The following APC2 variants were observed in gnomAD, a reference collection of about 807,000 sequenced individuals.
APC2 encodes the protein APC regulator of Wnt signaling pathway 2.
A neutral mutation model predicts 72.5 loss-of-function variants in APC2; 41 were observed. The observed-to-expected ratio is 0.57, with a 90% CI of 0.44 to 0.73. The LOEUF (loss-of-function observed/expected upper bound fraction) is 0.73, where lower values mean the gene tolerates loss of function less well. APC2 is among the 30% of genes least tolerant of loss of function. APC2 has a pLI of 0.00. For synonymous variants in APC2, 1,898 were observed against 1,612.0 expected (o/e 1.18, Z -4.25); for missense variants, 3,729 against 3,403.4 (o/e 1.10, Z -2.38).
At position 1,469,643 on chromosome 19, in the gene APC2, C is replaced by G; in HGVS notation, c.6342C>G (p.Ala2114=). 4.1e-6 allele frequency: 5 copies of G among 1,233,712 alleles called. No individual in the cohort carries two copies. Among genetic ancestry groups the G allele is most frequent in the African/African-American group, 1.6e-5 (1 of 62,934 alleles). 76.4% of individuals were successfully genotyped at this position (1,233,712 alleles called of 1,614,324 possible). A position where few individuals can be genotyped will look rare whatever the true frequency, so the allele number is the denominator to read the frequency against. The change falls in exon 15 of 15, where the codon GCC becomes GCG. Residue 2114 remains alanine (A), a synonymous_variant. Coordinates refer to ENST00000590469, the MANE Select transcript of APC2 (RefSeq NM_005883.3). The part of the protein sequence containing the change: ...HISVARRPDG[A]VPAAPASADA... The stretch of plus-strand genomic sequence containing the variant: ...GCGTGGCCCGCAGGCCCGACGGCGC[C>G]GTCCCCGCGGCCCCTGCCTCAGCCG...
chr19:1,468,526 A>G lies in APC2; in HGVS notation c.5225A>G (p.Glu1742Gly), dbSNP rs760091657. 5 of 1,602,482 alleles carry G rather than the reference A, an allele frequency of 3.1e-6. No individual in the cohort carries two copies. Among genetic ancestry groups the G allele is most frequent in the Non-Finnish European group, 3.4e-6 (4 of 1,173,774 alleles). The stretch of plus-strand genomic sequence containing the variant: ...AAGCACAGGAAGGGACGACAGGCGG[A>G]GGGAGAAATGGGCAGTGCCCGGCGG... ...PPKHRKGRQA[E>G]GEMGSARRPE... The change falls in exon 15 of 15, where the codon GAG (glutamate) becomes GGG (glycine). Residue 1742 changes from glutamate to glycine, a missense_variant. By Grantham distance (98) the Glu-to-Gly change is moderately conservative. Coordinates refer to ENST00000590469, the MANE Select transcript of APC2 (RefSeq NM_005883.3).
In APC2 at chr19:1,453,428, C is replaced by T; in HGVS notation, c.233-3C>T. On this transcript the variant is annotated splice_region_variant and splice_polypyrimidine_tract_variant and intron_variant, in intron 3 of 14. Coordinates refer to ENST00000590469, the MANE Select transcript of APC2 (RefSeq NM_005883.3). Reference sequence around the variant, plus strand: ...GACCTCCGCCCTGTCCCCGCCCATCCAGCCCTACAGATGGACATCACCAGC... The same window carrying T: ...GACCTCCGCCCTGTCCCCGCCCATCTAGCCCTACAGATGGACATCACCAGC... 1 of 1,602,142 alleles carries T rather than the reference C, an allele frequency of 6.2e-7. No individual in the cohort carries two copies. The highest frequency in any genetic ancestry group is 8.5e-7 in the Non-Finnish European group (1 of 1,172,224).
intron 6 of APC2, 118 bp from the exon 7 acceptor site, chr19:1,455,958 C>A (rs1253008851): frequency 3.8e-6 from 4 of 1,063,202 alleles, no homozygotes; most frequent in African/African-American, 1.6e-5. Flanking sequence ...GGGCCTGGGG[C>A]GGGGTTATCA....
In APC2 at chr19:1,468,263, C is replaced by A; in HGVS notation, c.4962C>A (p.Ala1654=). 1 of 1,527,400 alleles carries A rather than the reference C, an allele frequency of 6.5e-7. No individual in the cohort carries two copies. Among genetic ancestry groups the A allele is most frequent in the Non-Finnish European group, 8.8e-7 (1 of 1,139,680 alleles). The allele number at this position is 1,527,400 out of a possible 1,614,324, so 94.6% of individuals were successfully genotyped here. The stretch of plus-strand genomic sequence containing the variant: ...GCCTGCGGCGCCGCAAGCCCCGAGC[C>A]ACCCGGCTGGATGAGCGGCCCGCAG... ...VSGLRRRKPR[A]TRLDERPAEG... Residue 1654 remains alanine, a synonymous_variant, in exon 15 of 15, where the codon GCC becomes GCA. Transcript: ENST00000590469.
chr19:1,468,985 A>C lies in APC2; in HGVS notation c.5684A>C (p.Gln1895Pro). ...PLPRKRPPVT[Q>P]AAGALPGPGA... ...CCCAGAAAGCGCCCCCCGGTCACCC[A>C]GGCTGCTGGGGCCCTGCCCGGCCCC... Residue 1895 changes from glutamine to proline, a missense_variant, in exon 15 of 15, where the codon CAG becomes CCG. Coordinates refer to ENST00000590469, the MANE Select transcript of APC2 (RefSeq NM_005883.3). 1.3e-6 allele frequency: 2 copies of C among 1,559,806 alleles called. No individual in the cohort carries two copies. Among genetic ancestry groups the C allele is most frequent in the Non-Finnish European group, 1.7e-6 (2 of 1,158,094 alleles).
At position 1,465,925 on chromosome 19, in the gene APC2, G is replaced by A. The variant is rs2084003334; in HGVS notation, c.2624G>A (p.Ser875Asn). 1 of 1,586,722 alleles carries A rather than the reference G, an allele frequency of 6.3e-7. No individual in the cohort carries two copies. The highest frequency in any genetic ancestry group is 8.5e-7 in the Non-Finnish European group (1 of 1,171,044). The change falls in exon 15 of 15, where the codon AGC (serine) becomes AAC (asparagine). Residue 875 changes from serine to asparagine, a missense_variant. Transcript: ENST00000590469. ...HTSSDDSFSLSSGDPGQEAPR... is the reference protein window; with the variant it reads ...HTSSDDSFSLNSGDPGQEAPR... Reference sequence around the variant, plus strand: ...TCGTCCGACGATAGCTTCAGCCTCAGCTCTGGAGACCCGGGACAGGAGGCG... The same window carrying A: ...TCGTCCGACGATAGCTTCAGCCTCAACTCTGGAGACCCGGGACAGGAGGCG...
rs71174372 is a variant in APC2, at chr19:1,457,895, C to CGGGGGG, written c.1208-67_1208-66insGGGGGG. 5.8e-5 allele frequency: 72 copies of CGGGGGG among 1,251,574 alleles called. 1 individual carries two copies. In the African/African-American group the frequency reaches 8.8e-4, roughly 15 times the overall value. 77.5% of individuals were successfully genotyped at this position (1,251,574 alleles called of 1,614,324 possible). ...CTTCAGGCCTGGGGCGGGCGGGTTG[C>CGGGGGG]GGGACCTTCGGGAGTCACCTGGGAC... On this transcript the variant is annotated intron_variant, in intron 9 of 14. Coordinates refer to ENST00000590469, the MANE Select transcript of APC2 (RefSeq NM_005883.3).
Position 1,466,592 on chromosome 19 carries a change from G to A in APC2, c.3291G>A (p.Leu1097=), listed in dbSNP as rs1484549905. 6.4e-7 allele frequency: 1 copy of A among 1,557,032 alleles called. No individual in the cohort carries two copies. ...ACCTGGATGACAGTGACTCCTCCCTGGAGGGGCTGGAGGAGGCCGGCCCCA... is the reference window on the plus strand; with the variant it reads ...ACCTGGATGACAGTGACTCCTCCCTAGAGGGGCTGGAGGAGGCCGGCCCCA... ...GGDLDDSDSS[L]EGLEEAGPSE... Residue 1097 remains leucine, a synonymous_variant, in exon 15 of 15, where the codon CTG becomes CTA. Coordinates refer to ENST00000590469, the MANE Select transcript of APC2 (RefSeq NM_005883.3).
intron 14 of APC2, among the ~76,000 whole-genome samples, chr19:1,463,619 G>A (rs997251558): frequency 2.6e-5 from 4 of 151,286 alleles, no homozygotes; most frequent in East Asian, 3.9e-4. Context: ...TTGGCTTGGC[G>A]TCCACATGTA....
At position 1,453,261 on chromosome 19, in the gene APC2, C is replaced by T; in HGVS notation, c.156C>T (p.His52=). The change falls in exon 3 of 15, where the codon CAC becomes CAT. Residue 52 remains histidine (H), a synonymous_variant. Transcript: ENST00000590469. ...CGCCCCTGCAGGAGGTCCTGAAGCA[C>T]CTACAGGGAAAACTGGAGCAGGAGG... ...ETSGMKEVLK[H]LQGKLEQEAR... 1 of 1,566,586 alleles carries T rather than the reference C, an allele frequency of 6.4e-7. No individual in the cohort carries two copies. The highest frequency in any genetic ancestry group is 8.7e-7 in the Non-Finnish European group (1 of 1,155,534).
At chr19:1,453,712 C>A in intron 4 of APC2, 101 bp downstream of exon 4, 1 of 1,404,278 alleles carries the variant, frequency 7.1e-7, no homozygotes, top group Non-Finnish European at 9.6e-7. Context: ...TCTCTGCCCA[C>A]ACCTCACACG....
rs982615442 is a variant in APC2, at chr19:1,471,442, A to C, written c.*1229A>C. The C allele has an allele frequency of 1.3e-5, 2 of 152,132 alleles. No homozygotes were observed. Among genetic ancestry groups the C allele is most frequent in the African/African-American group, 4.8e-5 (2 of 41,408 alleles). The allele number at this position is 152,132 out of a possible 1,614,324, so 9.4% of individuals were successfully genotyped here. On this transcript the variant is annotated 3_prime_UTR_variant, in exon 15 of 15. Transcript: ENST00000590469. ...GAGTATTTGGTGCCAGATGAGGTGA[A>C]AGCTTATAGAAGGGCCTGAGGGGCT...
At chr19:1,458,214 C>T in intron 10 of APC2, 154 bp downstream of exon 10, 2 of 683,918 alleles carry the variant, frequency 2.9e-6, no homozygotes, top group Non-Finnish European at 5.0e-6. Flanking sequence ...CATAGCACCT[C>T]TCATGAGTGG....
chr19:1,467,806 C>A lies in APC2; in HGVS notation c.4505C>A (p.Thr1502Asn), dbSNP rs777856176. 17 of 1,472,592 alleles carry A rather than the reference C, an allele frequency of 1.2e-5. No individual in the cohort carries two copies. The highest frequency in any genetic ancestry group is 1.4e-5 in the Non-Finnish European group (16 of 1,116,922). 91.2% of individuals were successfully genotyped at this position (1,472,592 alleles called of 1,614,324 possible). The change falls in exon 15 of 15, where the codon ACT becomes AAT. Residue 1502 changes from threonine (T) to asparagine (N), a missense_variant. By Grantham distance (65) the Thr-to-Asn change is moderately conservative. Transcript: ENST00000590469. ...CAGTCGCTGTGCCTCACGACGCCCA[C>A]TGAGGAGGCCGTGTACTGCTTCTAC... ...ALQSLCLTTP[T>N]EEAVYCFYGN...
Position 1,460,946 on chromosome 19 carries a change from T to C in APC2, c.1521+89T>C, listed in dbSNP as rs112924406. 6,163 of 1,592,708 alleles carry C rather than the reference T, an allele frequency of 3.9e-3. 199 individuals carry two copies. The African/African-American group carries it at 0.073, about 19-fold the overall frequency. On this transcript the variant is annotated intron_variant, in intron 12 of 14. Transcript: ENST00000590469. The stretch of plus-strand genomic sequence containing the variant: ...GCGGTGTGGTGGGCTGGCAGGGGTG[T>C]CCCGTCCGACTCTCTGCAGACTCAC...
chr19:1,458,149 A>C (rs911797896), intron 10 of APC2, 89 bp downstream of exon 10: 1 of 1,253,202 alleles, frequency 8.0e-7, no homozygotes, highest in Non-Finnish European at 1.1e-6. Context: ...AGGCTGGGTC[A>C]TCTGAGCTTG....
rs768103817 is a variant in APC2, at chr19:1,468,089, C to A, written c.4788C>A (p.Ala1596=). 6.5e-7 allele frequency: 1 copy of A among 1,542,074 alleles called. No homozygotes were observed. Among genetic ancestry groups the A allele is most frequent in the South Asian group, 1.2e-5 (1 of 84,844 alleles). ...AGCCCGAGCCCTCGGAGCCGCCGGCCGTCCATCCACGAGGCCGGGAGCCCG... is the reference window on the plus strand; with the variant it reads ...AGCCCGAGCCCTCGGAGCCGCCGGCAGTCCATCCACGAGGCCGGGAGCCCG... The part of the protein sequence containing the change: ...LSEPEPSEPP[A]VHPRGREPAV... The change falls in exon 15 of 15, where the codon GCC becomes GCA. Residue 1596 remains alanine (A), a synonymous_variant. Transcript: ENST00000590469.
chr19:1,457,265 C>A, intron 9 of APC2, 22 bp downstream of exon 9: 1 of 1,495,882 alleles, frequency 6.7e-7, no homozygotes, highest in Admixed American at 2.3e-5. Context: ...GCCTGGTGGG[C>A]CCCCTCCGCG....
rs1388926770 is a variant in APC2 at position 1,457,233 on chromosome 19, C to T, written c.1197C>T (p.Gly399=). 7.2e-6 allele frequency: 11 copies of T among 1,529,686 alleles called. No homozygotes were observed. The African/African-American group carries it at 8.4e-5, about 12-fold the overall frequency. 94.8% of individuals were successfully genotyped at this position (1,529,686 alleles called of 1,614,324 possible). ...GAGACGGCGGGCCCGAGGGAGGTGG[C>T]GCCGGCAGCGGTGAGTGCCTGGCCT... is the stretch of plus-strand genomic sequence containing the variant. ...QARDGGPEGG[G]AGSAPIPIEP... The change falls in exon 9 of 15, where the codon GGC becomes GGT. Residue 399 remains glycine, a synonymous_variant. Coordinates refer to ENST00000590469, the MANE Select transcript of APC2 (RefSeq NM_005883.3).
Sources: allele counts gnomAD v4.1 joint callset (sites outside exome capture counted in the v4.1 genomes callset), GRCh38; gene constraint gnomAD v4.1.1; transcripts MANE v1.5; gene names NCBI Gene and HGNC (gene_info 2026-07-23, HGNC 2026-07-21).